Variants in KLF12 observed in about 807,000 individuals in gnomAD.
The protein encoded by KLF12 is KLF transcription factor 12, also known as Krueppel-like factor 12.
In KLF12, 9 loss-of-function variants were observed where a neutral mutation model predicts 37.8. That is an observed-to-expected ratio of 0.24 (90% CI 0.14 to 0.42). The LOEUF (loss-of-function observed/expected upper bound fraction) is 0.42. Ranked by LOEUF, KLF12 falls within the 10% of genes least tolerant of loss-of-function variation. The pLI is 1.00. For synonymous variants in KLF12, 208 were observed against 202.1 expected, an observed-to-expected ratio of 1.03 and a Z score of -0.25; for missense variants, 411 against 516.0, an observed-to-expected ratio of 0.80 and a Z score of 1.97.
chr13:74,137,345 A>G (rs1481513314), upstream of KLF12, among the ~76,000 whole-genome samples: 1 of 152,230 alleles, frequency 6.6e-6, no homozygotes, highest in Non-Finnish European at 1.5e-5. Context: ...ATCCAATACT[A>G]TGTGGCTTCA....
chr13:73,951,093 A>G (rs1890630699), intron 2 of KLF12, among the ~76,000 whole-genome samples: 1 of 152,240 alleles, frequency 6.6e-6, no homozygotes. Flanking sequence ...TTTGCAATAC[A>G]ACCACAATAT....
chr13:74,093,606 A>G (rs1875802283), intron 1 of KLF12, among the ~76,000 whole-genome samples: 1 of 152,130 alleles, frequency 6.6e-6, no homozygotes, highest in South Asian at 2.1e-4. Flanking sequence ...GAATCAGACT[A>G]AAAGAATTTT....
At chr13:74,239,634 G>A in the KLF12 span, among the ~76,000 whole-genome samples, 10 of 113,888 alleles carry the variant, frequency 8.8e-5, no homozygotes, top group Non-Finnish European at 1.5e-4. Context: ...CCTGTATTGG[G>A]TGCATATATA....
At chr13:74,278,829 A>G in the KLF12 span, among the ~76,000 whole-genome samples, 1 of 152,216 alleles carries the variant, frequency 6.6e-6, no homozygotes, top group Non-Finnish European at 1.5e-5. Context: ...AAACAGAGAG[A>G]AGATCTTATG....
chr13:73,758,936 A>C (rs76322055), intron 6 of KLF12, among the ~76,000 whole-genome samples: 2,675 of 152,272 alleles, frequency 0.018, 99 homozygotes, highest in African/African-American at 0.062. Flanking sequence ...AAGACAGAAC[A>C]TAAGTCTGAA....
At chr13:73,734,657 G>A (rs1457647529) in intron 6 of KLF12, among the ~76,000 whole-genome samples, 1 of 151,784 alleles carries the variant, frequency 6.6e-6, no homozygotes, top group East Asian at 1.9e-4. Flanking sequence ...ATTATCTATT[G>A]GTCAGTTAAG....
chr13:73,835,973 G>A (rs1884408051), intron 4 of KLF12, among the ~76,000 whole-genome samples: 1 of 152,018 alleles, frequency 6.6e-6, no homozygotes, highest in Admixed American at 6.6e-5. Flanking sequence ...AGCTAGGACT[G>A]GGAGATATTC....
chr13:74,153,731 C>A, the KLF12 span, among the ~76,000 whole-genome samples: 1 of 152,126 alleles, frequency 6.6e-6, no homozygotes, highest in Non-Finnish European at 1.5e-5. Context: ...AGGATTTACC[C>A]GTGAAAGTCA....
At chr13:73,808,673 C>A (rs9573296) in intron 5 of KLF12, among the ~76,000 whole-genome samples, 50,048 of 151,946 alleles carry the variant, frequency 0.33, 8,635 homozygotes, top group East Asian at 0.64. Context: ...ACATTTAGGA[C>A]AAATAATTTA....
intron 3 of KLF12, among the ~76,000 whole-genome samples, chr13:73,891,668 C>T (rs941511447): frequency 6.6e-6 from 1 of 152,068 alleles, no homozygotes; most frequent in Non-Finnish European, 1.5e-5. Flanking sequence ...GAGATACTAT[C>T]AACTCTTTCT....
chr13:73,698,635 T>G (rs1874319344), intron 7 of KLF12, among the ~76,000 whole-genome samples: 3 of 152,226 alleles, frequency 2.0e-5, no homozygotes, highest in African/African-American at 7.2e-5. Flanking sequence ...CGATTTAAAT[T>G]TTAGTGTCCA....
chr13:73,926,085 T>A (rs1889361520), intron 3 of KLF12, among the ~76,000 whole-genome samples: 1 of 152,254 alleles, frequency 6.6e-6, no homozygotes, highest in African/African-American at 2.4e-5. Context: ...GAATACTTTA[T>A]GAACGTAGTT....
At chr13:74,144,958 A>T in the KLF12 span, among the ~76,000 whole-genome samples, 1 of 152,150 alleles carries the variant, frequency 6.6e-6, no homozygotes, top group East Asian at 1.9e-4. Context: ...TTATTACACT[A>T]CCCACCCCAC....
At chr13:74,194,238 G>A in the KLF12 span, among the ~76,000 whole-genome samples, 1 of 152,180 alleles carries the variant, frequency 6.6e-6, no homozygotes, top group South Asian at 2.1e-4. Context: ...GCATGCATGA[G>A]TTCTGGAACC....
rs377498879 is a variant in KLF12 at position 74,071,503 on chromosome 13, A to G, written c.-32+62236T>C. On this transcript the variant is annotated intron_variant, in intron 1 of 7. Transcript: ENST00000377669. Reference sequence around the variant, plus strand: ...AGATCGAGACCATCCTGGCTAACACAGTGAAACCCCGTCTCTACTAAAAAA... The same window carrying G: ...AGATCGAGACCATCCTGGCTAACACGGTGAAACCCCGTCTCTACTAAAAAA... 3.4e-4 allele frequency among the ~76,000 whole-genome samples: 50 copies of G among 145,862 alleles called. 1 individual carries two copies. The highest frequency in any genetic ancestry group is 6.2e-4 in the East Asian group (3 of 4,832).
At chr13:74,100,631 A>ATG (rs773706084) in intron 1 of KLF12, among the ~76,000 whole-genome samples, 64 of 151,952 alleles carry the variant, frequency 4.2e-4, no homozygotes, top group Non-Finnish European at 7.7e-4. Context: ...ATATATATAT[A>ATG]TATGTATAAA....
intron 3 of KLF12, among the ~76,000 whole-genome samples, chr13:73,937,431 T>TA (rs1889997979): frequency 6.6e-6 from 1 of 152,008 alleles, no homozygotes; most frequent in African/African-American, 2.4e-5. Context: ...TCACTCAGAG[T>TA]ATTTAATTTC....
intron 1 of KLF12, among the ~76,000 whole-genome samples, chr13:74,093,814 C>T (rs901206376): frequency 6.6e-6 from 1 of 151,808 alleles, no homozygotes; most frequent in South Asian, 2.1e-4. Context: ...AAAATATAAA[C>T]TAATGTAAAT....
intron 6 of KLF12, among the ~76,000 whole-genome samples, chr13:73,746,477 C>T (rs1878379280): frequency 6.6e-6 from 1 of 152,060 alleles, no homozygotes; most frequent in Admixed American, 6.6e-5. Flanking sequence ...CCTTTAGATA[C>T]CTTTATATTC....
Sources: allele counts gnomAD v4.1 joint callset (sites outside exome capture counted in the v4.1 genomes callset), GRCh38; gene constraint gnomAD v4.1.1; transcripts MANE v1.5; gene names NCBI Gene and HGNC (gene_info 2026-07-23, HGNC 2026-07-21).